The following ARHGAP12 variants were observed in gnomAD, a reference collection of about 807,000 sequenced individuals.
ARHGAP12 encodes Rho GTPase activating protein 12.
Under a neutral mutation model 108.6 loss-of-function variants are expected in ARHGAP12, and 64 were observed. That is an observed-to-expected ratio of 0.59 (90% CI 0.48 to 0.73). The LOEUF is 0.73. Ranked by LOEUF, ARHGAP12 falls within the 30% of genes least tolerant of loss-of-function variation. The pLI, the probability that ARHGAP12 is intolerant of heterozygous loss-of-function variation, is 0.00. For missense variants in ARHGAP12, 940 were observed against 1,005.9 expected, an observed-to-expected ratio of 0.93 and a Z score of 0.89; for synonymous variants, 312 against 337.2, an observed-to-expected ratio of 0.93 and a Z score of 0.82.
At chr10:31,838,780 G>A (rs570255281) in intron 9 of ARHGAP12, among the ~76,000 whole-genome samples, 5 of 148,590 alleles carry the variant, frequency 3.4e-5, no homozygotes, top group East Asian at 4.0e-4. Flanking sequence ...GCAGTTAGCC[G>A]AGATCATGCC....
chr10:31,928,612 C>A (rs1230989327), intron 1 of ARHGAP12, 71 bp downstream of exon 1: 1 of 152,474 alleles, frequency 6.6e-6, no homozygotes, highest in Non-Finnish European at 1.5e-5. Context: ...ACAGCCCGGC[C>A]CCGGCGCGCC....
chr10:31,914,766 T>C (rs565459619), intron 1 of ARHGAP12, among the ~76,000 whole-genome samples: 50 of 152,362 alleles, frequency 3.3e-4, no homozygotes, highest in African/African-American at 1.1e-3. Context: ...AACTACTATA[T>C]GATCCACCAA....
intron 3 of ARHGAP12, among the ~76,000 whole-genome samples, chr10:31,902,853 GCTTT>G (rs1001350769): frequency 1.3e-5 from 2 of 152,144 alleles, no homozygotes; most frequent in Non-Finnish European, 2.9e-5. Flanking sequence ...CTGTGACAGT[GCTTT>G]TTTTTGGATG....
At chr10:31,875,046 GACCA>G in intron 3 of ARHGAP12, among the ~76,000 whole-genome samples, 1 of 138,842 alleles carries the variant, frequency 7.2e-6, no homozygotes, top group African/African-American at 2.7e-5. Flanking sequence ...ACTTACAGAA[GACCA>G]TATGTAAGTT....
At chr10:31,831,713 A>C in intron 10 of ARHGAP12, 26 bp downstream of exon 10, 1 of 1,472,850 alleles carries the variant, frequency 6.8e-7, no homozygotes, top group East Asian at 2.3e-5. Flanking sequence ...GAATCATGTA[A>C]GAACATTAAA....
Position 31,908,248 on chromosome 10 carries a change from C to T in ARHGAP12, c.608G>A (p.Gly203Glu). ...TTGATGTATTCTTTCAGAGCCTTCT[C>T]CTGCGGAATCACAAGATTGTTCCTG... ...FSQEQSCDSA[G>E]EGSERIHQDS... The change falls in exon 3 of 20, where the codon GGA (glycine) becomes GAA (glutamate). Residue 203 changes from glycine (G) to glutamate (E), a missense_variant. Physicochemically the swap from Gly to Glu is moderately conservative, Grantham distance 98 (BLOSUM62 -2). Transcript: ENST00000344936. 1.2e-6 allele frequency: 2 copies of T among 1,613,986 alleles called. No individual in the cohort carries two copies. The highest frequency in any genetic ancestry group is 1.7e-6 in the Non-Finnish European group (2 of 1,180,004).
intron 3 of ARHGAP12, among the ~76,000 whole-genome samples, chr10:31,873,056 G>T (rs1261826181): frequency 6.6e-6 from 1 of 152,106 alleles, no homozygotes; most frequent in Non-Finnish European, 1.5e-5. Flanking sequence ...TAGAGCATCA[G>T]TATCTAACAG....
chr10:31,928,758 C>G lies in ARHGAP12; in HGVS notation c.-186G>C, dbSNP rs143781409. The G allele has an allele frequency of 1.3e-5, 2 of 151,940 alleles. No homozygotes were observed. The highest frequency in any genetic ancestry group is 2.9e-5 in the Non-Finnish European group (2 of 68,010). The allele number at this position is 151,940 out of a possible 1,614,324, so 9.4% of individuals were successfully genotyped here. On this transcript the variant is annotated 5_prime_UTR_variant, in exon 1 of 20. Transcript: ENST00000344936. ...CGGCTGCGGGTCGACGACGCGAGCCCGAAGAGCGTTCACACGGCTACGGCC... is the reference window on the plus strand; with the variant it reads ...CGGCTGCGGGTCGACGACGCGAGCCGGAAGAGCGTTCACACGGCTACGGCC...
Position 31,861,539 on chromosome 10 carries a change from A to G in ARHGAP12, c.804T>C (p.Asn268=), listed in dbSNP as rs143393153. ...TGTCTTTATGAGTTTCCCATTCTCCATTAATCTGAATTGCCGGGCTCCCAG... is the reference window on the plus strand; with the variant it reads ...TGTCTTTATGAGTTTCCCATTCTCCGTTAATCTGAATTGCCGGGCTCCCAG... ...PLPGSPAIQI[N]GEWETHKDSS... is the part of the protein sequence containing the mutation. Residue 268 remains asparagine, a synonymous_variant, in exon 4 of 20, where the codon AAT becomes AAC. Transcript: ENST00000344936. 8.7e-6 allele frequency: 14 copies of G among 1,614,056 alleles called. No individual in the cohort carries two copies. The highest frequency in any genetic ancestry group is 7.6e-6 in the Non-Finnish European group (9 of 1,180,044).
Position 31,858,105 on chromosome 10 carries a change from G to A in ARHGAP12, c.948+3290C>T, listed in dbSNP as rs1288285805. Among the ~76,000 whole-genome samples the A allele has an allele frequency of 2.0e-5, 3 of 152,294 alleles. No homozygotes were observed. In the East Asian group the frequency reaches 5.8e-4, roughly 29 times the overall value. On this transcript the variant is annotated intron_variant, in intron 4 of 19. Transcript: ENST00000344936. Reference sequence around the variant, plus strand: ...TGTAGTCCCAGCTACCTGGGAGTCTGAAGCAGGAGGATGGCTGAGTGCAGG... The same window carrying A: ...TGTAGTCCCAGCTACCTGGGAGTCTAAAGCAGGAGGATGGCTGAGTGCAGG...
At chr10:31,841,413 A>G (rs778252162) in intron 7 of ARHGAP12, among the ~76,000 whole-genome samples, 1 of 152,168 alleles carries the variant, frequency 6.6e-6, no homozygotes, top group Non-Finnish European at 1.5e-5. Context: ...GGAAAGTGAT[A>G]GGCATTCACT....
Position 31,807,624 on chromosome 10 carries a change from C to A in ARHGAP12, c.*34G>T. On this transcript the variant is annotated 3_prime_UTR_variant, in exon 20 of 20. Coordinates refer to ENST00000344936, the MANE Select transcript of ARHGAP12 (RefSeq NM_018287.7). ...TAAACATTTGAAATCTGATGGAATC[C>A]AGCTTCTATTCCACAGGTTGTCTTC... The A allele has an allele frequency of 6.4e-7, 1 of 1,556,556 alleles. No homozygotes were observed. The highest frequency in any genetic ancestry group is 1.2e-5 in the South Asian group (1 of 81,876).
chr10:31,895,449 C>T (rs1289920369), intron 3 of ARHGAP12, among the ~76,000 whole-genome samples: 1 of 152,172 alleles, frequency 6.6e-6, no homozygotes, highest in Admixed American at 6.5e-5. Context: ...ACAGACACTT[C>T]TCAAAAGAAG....
At chr10:31,905,423 C>T (rs764740486) in intron 3 of ARHGAP12, among the ~76,000 whole-genome samples, 1 of 152,130 alleles carries the variant, frequency 6.6e-6, no homozygotes, top group Non-Finnish European at 1.5e-5. Flanking sequence ...AACAATGAAA[C>T]CATGAGTATC....
At chr10:31,818,676 T>C (rs1015423614) in intron 12 of ARHGAP12, among the ~76,000 whole-genome samples, 2 of 152,186 alleles carry the variant, frequency 1.3e-5, no homozygotes, top group Non-Finnish European at 2.9e-5. Context: ...AAATAATGTT[T>C]TAAAAAGGTA....
intron 3 of ARHGAP12, 116 bp from the exon 4 acceptor site, chr10:31,861,774 G>T (rs542056990): frequency 4.5e-6 from 4 of 884,178 alleles, no homozygotes; most frequent in South Asian, 4.2e-5. Flanking sequence ...ATATATACAG[G>T]TGAATATATT....
intron 3 of ARHGAP12, among the ~76,000 whole-genome samples, chr10:31,862,591 C>G (rs889869559): frequency 6.6e-6 from 1 of 152,148 alleles, no homozygotes; most frequent in Admixed American, 6.5e-5. Context: ...CCTAGCACCA[C>G]TGACATTTTG....
intron 1 of ARHGAP12, chr10:31,913,288 C>G (rs1258164117): frequency 6.5e-6 from 1 of 153,256 alleles, no homozygotes; most frequent in East Asian, 1.9e-4. Flanking sequence ...GGTGGAAAAC[C>G]ACGTTTGCTA....
At chr10:31,820,361 G>T in intron 12 of ARHGAP12, 26 bp downstream of exon 12, 1 of 1,551,134 alleles carries the variant, frequency 6.4e-7, no homozygotes, top group Non-Finnish European at 8.8e-7. Context: ...TTTAGAATGT[G>T]TTATACTTAG....
Sources: gnomAD v4.1 joint callset for allele counts (sites outside exome capture counted in the v4.1 genomes callset) on GRCh38, gnomAD v4.1.1 for gene constraint, MANE v1.5 for transcripts, NCBI Gene and HGNC (gene_info 2026-07-23, HGNC 2026-07-21) for gene names.